The following LDLRAD4 variants were observed in gnomAD, a reference collection of about 807,000 sequenced individuals.
LDLRAD4 encodes low-density lipoprotein receptor class A domain-containing protein 4.
LDLRAD4 carries 5 observed loss-of-function variants against 17.0 expected under a neutral mutation model. The observed-to-expected ratio is 0.29, with a 90% CI of 0.15 to 0.62. The LOEUF (loss-of-function observed/expected upper bound fraction) is 0.62, where lower values mean the gene tolerates loss of function less well. Ranked by LOEUF, LDLRAD4 falls within the 20% of genes least tolerant of loss-of-function variation. The pLI, the probability that LDLRAD4 is intolerant of heterozygous loss-of-function variation, is 0.84. For missense variants in LDLRAD4, 340 were observed against 424.7 expected (o/e 0.80, Z 1.75); for synonymous variants, 168 against 171.8 (o/e 0.98, Z 0.17).
At chr18:13,359,647 C>T (rs1439342150) in intron 1 of LDLRAD4, among the ~76,000 whole-genome samples, 1 of 152,176 alleles carries the variant, frequency 6.6e-6, no homozygotes, top group East Asian at 1.9e-4. Context: ...TTTTAGGGAA[C>T]TTAATTTCCT....
chr18:13,239,059 C>T (rs1447155748), intron 1 of LDLRAD4, among the ~76,000 whole-genome samples: 2 of 151,858 alleles, frequency 1.3e-5, no homozygotes, highest in East Asian at 3.9e-4. Context: ...TGGTGGCGCA[C>T]ACCTGTAATC....
intron 1 of LDLRAD4, among the ~76,000 whole-genome samples, chr18:13,356,804 G>C (rs1325593150): frequency 2.6e-5 from 4 of 152,114 alleles, no homozygotes; most frequent in African/African-American, 9.7e-5. Context: ...ATCCAAATTT[G>C]AGCTATAGTT....
chr18:13,553,615 A>AT (rs1442036681), intron 3 of LDLRAD4, among the ~76,000 whole-genome samples: 12 of 152,210 alleles, frequency 7.9e-5, no homozygotes, highest in Non-Finnish European at 1.8e-4. Flanking sequence ...ATTCCCATTA[A>AT]TAGCTGTGGA....
chr18:13,370,723 T>TTTGTTTGTTTGTTTG (rs910398553), intron 1 of LDLRAD4, among the ~76,000 whole-genome samples: 21 of 147,680 alleles, frequency 1.4e-4, no homozygotes, highest in African/African-American at 4.7e-4. Flanking sequence ...GTTTTTTTTT[T>TTTGTTTGTTTGTTTG]TTTTTGAGAT....
intron 3 of LDLRAD4, among the ~76,000 whole-genome samples, chr18:13,444,369 A>G (rs2091245068): frequency 6.6e-6 from 1 of 152,142 alleles, no homozygotes; most frequent in African/African-American, 2.4e-5. Flanking sequence ...TCTCTTCCTT[A>G]TGATCTTTCT....
chr18:13,349,164 C>T (rs1287588542), intron 1 of LDLRAD4, among the ~76,000 whole-genome samples: 1 of 152,214 alleles, frequency 6.6e-6, no homozygotes, highest in Non-Finnish European at 1.5e-5. Context: ...TTCTGCGTTG[C>T]TCACGCTGGG....
At chr18:13,451,337 GAGGT>G (rs1480980980) in intron 3 of LDLRAD4, among the ~76,000 whole-genome samples, 3 of 152,148 alleles carry the variant, frequency 2.0e-5, no homozygotes, top group Non-Finnish European at 2.9e-5. Context: ...TGCTGTCCTT[GAGGT>G]AGTGAGTGAG....
At chr18:13,374,290 T>C (rs774250423) in intron 1 of LDLRAD4, among the ~76,000 whole-genome samples, 8 of 152,180 alleles carry the variant, frequency 5.3e-5, no homozygotes, top group Non-Finnish European at 1.0e-4. Flanking sequence ...CACAGTCTCC[T>C]GTGGAGGCCA....
intron 1 of LDLRAD4, among the ~76,000 whole-genome samples, chr18:13,290,300 A>C (rs539680708): frequency 6.6e-6 from 1 of 152,230 alleles, no homozygotes; most frequent in Non-Finnish European, 1.5e-5. Context: ...AACCTTTTAC[A>C]TACCTAAAAT....
intron 1 of LDLRAD4, among the ~76,000 whole-genome samples, chr18:13,293,917 G>A (rs1160969380): frequency 6.6e-6 from 1 of 152,136 alleles, no homozygotes; most frequent in Non-Finnish European, 1.5e-5. Flanking sequence ...GGATCACATA[G>A]GAGTCAGGCT....
At chr18:13,456,925 C>G (rs2092165876) in intron 3 of LDLRAD4, among the ~76,000 whole-genome samples, 1 of 152,252 alleles carries the variant, frequency 6.6e-6, no homozygotes, top group South Asian at 2.1e-4. Flanking sequence ...CCTTCACCTC[C>G]TTTCTCAGCT....
At chr18:13,410,170 C>T (rs1204209350) in intron 2 of LDLRAD4, among the ~76,000 whole-genome samples, 1 of 152,050 alleles carries the variant, frequency 6.6e-6, no homozygotes, top group African/African-American at 2.4e-5. Flanking sequence ...GACTTCCGAC[C>T]TGACATGGCA....
chr18:13,644,165 G>A (rs189544655), intron 5 of LDLRAD4, among the ~76,000 whole-genome samples: 4 of 152,066 alleles, frequency 2.6e-5, no homozygotes, highest in African/African-American at 9.7e-5. Context: ...ATTTTGGGGG[G>A]AATTTGTTAA....
At chr18:13,493,927 TC>T in intron 3 of LDLRAD4, among the ~76,000 whole-genome samples, 1 of 152,352 alleles carries the variant, frequency 6.6e-6, no homozygotes, top group African/African-American at 2.4e-5. Context: ...GGTCCCCGCT[TC>T]TGAGAATCCC....
chr18:13,335,680 T>G (rs906320554), intron 1 of LDLRAD4, among the ~76,000 whole-genome samples: 3 of 152,216 alleles, frequency 2.0e-5, no homozygotes, highest in Non-Finnish European at 4.4e-5. Context: ...TGTTCAAAAC[T>G]GTTAGTCAGT....
chr18:13,494,539 A>G (rs1419106293), intron 3 of LDLRAD4, among the ~76,000 whole-genome samples: 1 of 149,864 alleles, frequency 6.7e-6, no homozygotes, highest in African/African-American at 2.5e-5. Context: ...GAGGCTGGGC[A>G]TGGTGGTGCA....
chr18:13,638,942 A>G (rs141370976), intron 4 of LDLRAD4, among the ~76,000 whole-genome samples: 3 of 152,290 alleles, frequency 2.0e-5, no homozygotes, highest in Admixed American at 1.3e-4. Flanking sequence ...TATTCCGTAC[A>G]TGTATAGTGA....
At chr18:13,532,273 T>G (rs1191791748) in intron 3 of LDLRAD4, among the ~76,000 whole-genome samples, 1 of 152,032 alleles carries the variant, frequency 6.6e-6, no homozygotes, top group East Asian at 1.9e-4. Flanking sequence ...ACTTCTGGAG[T>G]ATGTATTATT....
At chr18:13,572,494 T>G (rs967311264) in intron 3 of LDLRAD4, among the ~76,000 whole-genome samples, 5 of 152,220 alleles carry the variant, frequency 3.3e-5, no homozygotes, top group Non-Finnish European at 7.3e-5. Flanking sequence ...TGTGTTTGCC[T>G]TAGAAGATTT....
Sources: allele counts gnomAD v4.1 joint callset (sites outside exome capture counted in the v4.1 genomes callset), GRCh38; gene constraint gnomAD v4.1.1; transcripts MANE v1.5; gene names NCBI Gene and HGNC (gene_info 2026-07-23, HGNC 2026-07-21).